SFXN4: variants seen among roughly 807,000 people sequenced by gnomAD.
SFXN4 encodes sideroflexin 4.
In SFXN4, 48 loss-of-function variants were observed where a neutral mutation model predicts 54.6. The ratio of observed to expected loss-of-function variants is 0.88; its 90% confidence interval spans 0.70 to 1.12. The LOEUF (loss-of-function observed/expected upper bound fraction) is 1.12, where lower values mean the gene tolerates loss of function less well. Among genes scored for constraint, SFXN4 ranks in the 50% most tolerant of loss-of-function variants. The probability of loss-of-function intolerance (pLI) is 0.00; values close to 1 mark genes in which losing one functional copy is unlikely to be tolerated. For synonymous variants in SFXN4, 130 were observed against 145.5 expected (o/e 0.89, Z 0.77); for missense variants, 383 against 409.2 (o/e 0.94, Z 0.55).
At position 119,141,207 on chromosome 10, in the gene SFXN4, A is replaced by T; in HGVS notation, c.*35T>A. On this transcript the variant is annotated 3_prime_UTR_variant, in exon 14 of 14. Transcript: ENST00000355697. ...GAACCTGGAGAGGGGAAGGTTTTCA[A>T]GCAGGAACCACATAAATTCACCTAA... 1 of 1,514,578 alleles carries T rather than the reference A, an allele frequency of 6.6e-7. No homozygotes were observed. The highest frequency in any genetic ancestry group is 9.1e-7 in the Non-Finnish European group (1 of 1,097,430). 93.8% of individuals were successfully genotyped at this position (1,514,578 alleles called of 1,614,324 possible).
chr10:119,144,822 A>G (rs1846719500), intron 13 of SFXN4, among the ~76,000 whole-genome samples: 1 of 152,194 alleles, frequency 6.6e-6, no homozygotes, highest in Admixed American at 6.6e-5. Context: ...TTCCCTAGTC[A>G]CACCAGCCTC....
Position 119,147,775 on chromosome 10 carries a change from CT to C in SFXN4, c.817del (p.Arg273GlyfsTer15). 4 of 1,613,374 alleles carry C rather than the reference CT, an allele frequency of 2.5e-6. No individual in the cohort carries two copies. The highest frequency in any genetic ancestry group is 3.4e-6 in the Non-Finnish European group (4 of 1,179,338). ...CTGGGGATATGACCGTGTCTCTTAC[CT>C]TTTAAAAAAGTAGGTGAAGACTTCA... ...IPEVFTYFFK[R>X]TQYFRKNPGS... On this transcript the variant is annotated frameshift_variant and splice_region_variant, in exon 12 of 14. Transcript: ENST00000355697. LOFTEE classifies it high-confidence loss of function.
intron 13 of SFXN4, 60 bp downstream of exon 13, chr10:119,146,171 CTTATT>C (rs1846785156): frequency 7.7e-6 from 7 of 907,342 alleles, no homozygotes; most frequent in Middle Eastern, 2.3e-4. Context: ...AGAAGAATAA[CTTATT>C]TTATTCTTCT....
chr10:119,143,778 A>G (rs1015200592), intron 13 of SFXN4, among the ~76,000 whole-genome samples: 1 of 152,012 alleles, frequency 6.6e-6, no homozygotes, highest in East Asian at 1.9e-4. Context: ...CACCCGACCT[A>G]ATTTTTAGAA....
chr10:119,165,514 G>A lies in SFXN4; in HGVS notation c.111+23C>T. On this transcript the variant is annotated intron_variant, in intron 1 of 13. Coordinates refer to ENST00000355697, the MANE Select transcript of SFXN4 (RefSeq NM_213649.2). ...CCGGCCCGCCCCCTCCCTGCCCCTA[G>A]TCGCGCCGGGCCCGGGCCGTACTTG... The A allele has an allele frequency of 1.9e-6, 3 of 1,562,722 alleles. No homozygotes were observed. The South Asian group carries it at 3.4e-5, about 18-fold the overall frequency.
At position 119,146,460 on chromosome 10, in the gene SFXN4, T is replaced by TGTGTGC. The variant is rs141608372; in HGVS notation, c.819-108_819-107insGCACAC. The TGTGTGC allele has an allele frequency of 0.12, 65,577 of 564,764 alleles. 3,128 individuals carry two copies. Among genetic ancestry groups the TGTGTGC allele is most frequent in the Admixed American group, 0.13 (4,751 of 36,284 alleles). The allele number at this position is 564,764 out of a possible 1,614,324, so 35.0% of individuals were successfully genotyped here. On this transcript the variant is annotated intron_variant, in intron 12 of 13. Transcript: ENST00000355697. ...GTGTGTGTGTGTGTGTGTGTGTGTG[T>TGTGTGC]GCACGTGTGTGTGTACCTGAACACC...
chr10:119,154,708 T>C (rs1847207375), intron 11 of SFXN4, among the ~76,000 whole-genome samples: 1 of 152,144 alleles, frequency 6.6e-6, no homozygotes. Context: ...GGTGTGTGCC[T>C]GTGGTCCCAG....
Position 119,158,011 on chromosome 10 carries a change from G to C in SFXN4, c.412C>G (p.Gln138Glu). 6.2e-7 allele frequency: 1 copy of C among 1,614,150 alleles called. No homozygotes were observed. Among genetic ancestry groups the C allele is most frequent in the African/African-American group, 1.3e-5 (1 of 75,064 alleles). Reference protein sequence around the residue: ...LKGIKSVILPQVFLCAYMAAF... With the variant: ...LKGIKSVILPEVFLCAYMAAF... ...CGTGAAACAGGAAGAATGGCTACCT[G>C]AGGTAAAATCACGGACTTGATCCCT... The change falls in exon 7 of 14, where the codon CAG (glutamine) becomes GAG (glutamate). Residue 138 changes from glutamine (Q) to glutamate (E), a missense_variant and splice_region_variant. Transcript: ENST00000355697.
chr10:119,158,817 T>C (rs1278082481), intron 6 of SFXN4, among the ~76,000 whole-genome samples: 1 of 151,942 alleles, frequency 6.6e-6, no homozygotes, highest in African/African-American at 2.4e-5. Context: ...ACTCAGACTC[T>C]GGTAAAAATA....
At chr10:119,148,677 TTATAC>T (rs1474943695) in intron 11 of SFXN4, among the ~76,000 whole-genome samples, 1 of 152,180 alleles carries the variant, frequency 6.6e-6, no homozygotes, top group Non-Finnish European at 1.5e-5. Flanking sequence ...ATTAAAAGTG[TTATAC>T]TATAAAATTG....
intron 13 of SFXN4, among the ~76,000 whole-genome samples, chr10:119,142,726 ATTTTTTT>A (rs573311460): frequency 3.7e-4 from 29 of 77,446 alleles, no homozygotes; most frequent in East Asian, 2.4e-3. Flanking sequence ...AATGTTTTGA[ATTTTTTT>A]TTTTTTTTTT....
At chr10:119,145,210 A>G (rs1424803263) in intron 13 of SFXN4, among the ~76,000 whole-genome samples, 1 of 152,004 alleles carries the variant, frequency 6.6e-6, no homozygotes, top group African/African-American at 2.4e-5. Flanking sequence ...CCTCCTCCGC[A>G]GCCTACTCAA....
chr10:119,154,804 G>A (rs1847211590), intron 11 of SFXN4, among the ~76,000 whole-genome samples: 1 of 152,150 alleles, frequency 6.6e-6, no homozygotes, highest in African/African-American at 2.4e-5. Context: ...TGCACTCCAG[G>A]CCAGTGCGAC....
chr10:119,158,479 G>T (rs1413386697), intron 6 of SFXN4, among the ~76,000 whole-genome samples: 1 of 151,768 alleles, frequency 6.6e-6, no homozygotes, highest in Non-Finnish European at 1.5e-5. Flanking sequence ...AGCCGGGTGT[G>T]GTGGTGCACA....
chr10:119,160,689 A>G (rs1847493115), intron 5 of SFXN4, among the ~76,000 whole-genome samples: 1 of 149,612 alleles, frequency 6.7e-6, no homozygotes. Flanking sequence ...TCCCGGGTTC[A>G]AGTTCAAGCA....
At position 119,146,460 on chromosome 10, in the gene SFXN4, T is replaced by C. The variant is rs7075068; in HGVS notation, c.819-107A>G. 129,725 of 569,132 alleles carry C rather than the reference T, an allele frequency of 0.23. 16,066 individuals carry two copies. The highest frequency in any genetic ancestry group is 0.31 in the Admixed American group (11,516 of 36,682). The allele number at this position is 569,132 out of a possible 1,614,324, so 35.3% of individuals were successfully genotyped here. On this transcript the variant is annotated intron_variant, in intron 12 of 13. Transcript: ENST00000355697. ...GTGTGTGTGTGTGTGTGTGTGTGTGTGCACGTGTGTGTGTACCTGAACACC... is the reference window on the plus strand; with the variant it reads ...GTGTGTGTGTGTGTGTGTGTGTGTGCGCACGTGTGTGTGTACCTGAACACC...
chr10:119,149,381 T>C (rs1846955432), intron 11 of SFXN4, among the ~76,000 whole-genome samples: 2 of 152,162 alleles, frequency 1.3e-5, no homozygotes, highest in South Asian at 4.1e-4. Context: ...ACAGTCACGC[T>C]TGCATGGTTC....
At chr10:119,153,050 A>C (rs1847135371) in intron 11 of SFXN4, among the ~76,000 whole-genome samples, 1 of 152,200 alleles carries the variant, frequency 6.6e-6, no homozygotes, top group African/African-American at 2.4e-5. Flanking sequence ...CCAAAATGAA[A>C]AGACCATAGA....
In SFXN4 at chr10:119,161,063, G is replaced by A. The variant is rs200857365; in HGVS notation, c.271C>T (p.Arg91Trp). The change falls in exon 4 of 14, where the codon CGG becomes TGG. Residue 91 changes from arginine to tryptophan, a missense_variant. Arg to Trp is a moderately radical substitution (Grantham distance 101). Coordinates refer to ENST00000355697, the MANE Select transcript of SFXN4 (RefSeq NM_213649.2). ...ADQRIQEAWK[R>W]SLATVHPDSS... Reference sequence around the variant, plus strand: ...AAGGGGCTGAAACTTACAAGACTCCGCTTCCAAGCTTCTTGTATCTTAAAG... The same window carrying A: ...AAGGGGCTGAAACTTACAAGACTCCACTTCCAAGCTTCTTGTATCTTAAAG... The A allele has an allele frequency of 2.9e-5, 47 of 1,613,942 alleles. No individual in the cohort carries two copies. The Middle Eastern group carries it at 6.6e-4, about 23-fold the overall frequency.
Sources: allele counts gnomAD v4.1 joint callset (sites outside exome capture counted in the v4.1 genomes callset), GRCh38; gene constraint gnomAD v4.1.1; transcripts MANE v1.5; gene names NCBI Gene and HGNC (gene_info 2026-07-23, HGNC 2026-07-21).